GABPA: variants seen among roughly 807,000 people sequenced by gnomAD.
GABPA encodes the protein GA binding protein transcription factor subunit alpha.
Under a neutral mutation model 59.4 loss-of-function variants are expected in GABPA, and 4 were observed. The ratio of observed to expected loss-of-function variants is 0.07; its 90% CI spans 0.03 to 0.15. The LOEUF is 0.15. Among genes scored for constraint, GABPA ranks in the 10% least tolerant of loss-of-function variants. The probability of loss-of-function intolerance (pLI) is 1.00; values close to 1 mark genes in which losing one functional copy is unlikely to be tolerated. For missense variants in GABPA, 251 were observed against 543.8 expected (o/e 0.46, Z 5.36); for synonymous variants, 164 against 183.1 (o/e 0.90, Z 0.84).
At chr21:25,744,375 C>T (rs1407604465) in intron 2 of GABPA, among the ~76,000 whole-genome samples, 2 of 152,070 alleles carry the variant, frequency 1.3e-5, no homozygotes, top group Admixed American at 1.3e-4. Context: ...AAGCTATATA[C>T]ATTCATTGAA....
intron 9 of GABPA, among the ~76,000 whole-genome samples, chr21:25,766,260 G>A (rs946718946): frequency 2.0e-5 from 3 of 151,990 alleles, no homozygotes; most frequent in East Asian, 1.9e-4. Context: ...TGCTTATGCC[G>A]TACCAAAAAT....
At chr21:25,743,917 G>A (rs1319439786) in intron 2 of GABPA, among the ~76,000 whole-genome samples, 2 of 151,882 alleles carry the variant, frequency 1.3e-5, no homozygotes, top group East Asian at 1.9e-4. Context: ...GGTGGCGCAT[G>A]CCTGTAGTCC....
chr21:25,767,369 A>T lies in GABPA; in HGVS notation c.1137-1635A>T, dbSNP rs71651649. On this transcript the variant is annotated intron_variant, in intron 9 of 9. Transcript: ENST00000400075. Reference sequence around the variant, plus strand: ...AAAAAGTTTAAAAAAATACAAGTTTAAAAAAAAAGAGGGAAGAAAAGAAAT... The same window carrying T: ...AAAAAGTTTAAAAAAATACAAGTTTTAAAAAAAAGAGGGAAGAAAAGAAAT... Among the ~76,000 whole-genome samples the T allele has an allele frequency of 3.5e-3, 529 of 151,132 alleles. 3 individuals are homozygous for T. Among genetic ancestry groups the T allele is most frequent in the African/African-American group, 0.012 (515 of 41,238 alleles).
intron 5 of GABPA, among the ~76,000 whole-genome samples, chr21:25,756,271 A>G (rs2035634439): frequency 6.6e-6 from 1 of 152,032 alleles, no homozygotes; most frequent in Non-Finnish European, 1.5e-5. Context: ...TAGCTTTTCT[A>G]TTTAACTCTG....
chr21:25,752,447 T>A, intron 5 of GABPA: 1 of 550,802 alleles, frequency 1.8e-6, no homozygotes, highest in Middle Eastern at 4.9e-4. Flanking sequence ...GTCTAAAAAA[T>A]TTCTGCTCTT....
Position 25,771,104 on chromosome 21 carries a change from G to C in GABPA, c.*1872G>C, listed in dbSNP as rs572853143. ...CCATCCTCTTACGGCCTAGAGAGTTGACAAGTTGCTTGTAGTTTTAAAAAA... is the reference window on the plus strand; with the variant it reads ...CCATCCTCTTACGGCCTAGAGAGTTCACAAGTTGCTTGTAGTTTTAAAAAA... On this transcript the variant is annotated 3_prime_UTR_variant, in exon 10 of 10. Transcript: ENST00000400075. The C allele has an allele frequency of 6.6e-6, 1 of 152,044 alleles. No homozygotes were observed. The highest frequency in any genetic ancestry group is 1.9e-4 in the East Asian group (1 of 5,178). The allele number at this position is 152,044 out of a possible 1,614,324, so 9.4% of individuals were successfully genotyped here. A position where few individuals can be genotyped will look rare whatever the true frequency, so the allele number is the denominator to read the frequency against.
rs1255866721 is a variant in GABPA, at chr21:25,771,837, A to G, written c.*2605A>G. ...ACTTTCATACATATCTTGCTAGCCT[A>G]AAGTCTAAATATTTGTGTTGGCATC... is the stretch of plus-strand genomic sequence containing the variant. On this transcript the variant is annotated 3_prime_UTR_variant, in exon 10 of 10. Transcript: ENST00000400075. 1 of 152,092 alleles carries G rather than the reference A, an allele frequency of 6.6e-6. No homozygotes were observed. The highest frequency in any genetic ancestry group is 6.5e-5 in the Admixed American group (1 of 15,288). 9.4% of individuals were successfully genotyped at this position (152,092 alleles called of 1,614,324 possible).
rs1012464471 is a variant in GABPA, at chr21:25,753,494, A to G, written c.553+1260A>G. Among the ~76,000 whole-genome samples the G allele has an allele frequency of 4.5e-4, 68 of 152,220 alleles. 1 individual carries two copies. Among genetic ancestry groups the G allele is most frequent in the Admixed American group, 2.6e-4 (4 of 15,280 alleles). On this transcript the variant is annotated intron_variant, in intron 5 of 9. Coordinates refer to ENST00000400075, the MANE Select transcript of GABPA (RefSeq NM_002040.4). Reference sequence around the variant, plus strand: ...AGGGAGACAAGAAATAACTGAAGAGACAGAAAGAAAGTAATAACTTATATG... The same window carrying G: ...AGGGAGACAAGAAATAACTGAAGAGGCAGAAAGAAAGTAATAACTTATATG...
chr21:25,765,213 G>A (rs192674662), intron 9 of GABPA, among the ~76,000 whole-genome samples: 7 of 152,020 alleles, frequency 4.6e-5, no homozygotes, highest in African/African-American at 1.4e-4. Context: ...CAAACTCTCC[G>A]TAAGTAGTAT....
chr21:25,758,109 C>T lies in GABPA; in HGVS notation c.653C>T (p.Ser218Leu), dbSNP rs550595053. 30 of 1,611,070 alleles carry T rather than the reference C, an allele frequency of 1.9e-5. No homozygotes were observed. The highest frequency in any genetic ancestry group is 5.3e-5 in the African/African-American group (4 of 74,818). Residue 218 changes from serine (S) to leucine (L), a missense_variant, in exon 6 of 10, where the codon TCG (serine) becomes TTG (leucine). This residue lies in a region of GABPA where 207 missense variants were observed against 366.7 expected (regional missense o/e 0.56). Coordinates refer to ENST00000400075, the MANE Select transcript of GABPA (RefSeq NM_002040.4). ...TDIDLTTLNISGRELCSLNQE... is the reference protein window; with the variant it reads ...TDIDLTTLNILGRELCSLNQE... ...ATAGACCTCACCACACTCAACATTT[C>T]GGGGAGAGAATTATGTAGTCTCAAC...
At chr21:25,751,805 T>G (rs2123527659) in intron 4 of GABPA, among the ~76,000 whole-genome samples, 184 bp from the exon 5 acceptor site, 1 of 152,282 alleles carries the variant, frequency 6.6e-6, no homozygotes, top group East Asian at 1.9e-4. Flanking sequence ...GTAGAAAAGT[T>G]GCAAGACTAG....
At chr21:25,746,317 GTT>G (rs1402267366) in intron 3 of GABPA, among the ~76,000 whole-genome samples, 3 of 152,078 alleles carry the variant, frequency 2.0e-5, no homozygotes, top group African/African-American at 7.2e-5. Flanking sequence ...GCCTGGCTGA[GTT>G]TTATACTATT....
At position 25,735,209 on chromosome 21, in the gene GABPA, C is replaced by A. The variant is rs1007924607; in HGVS notation, c.-396C>A. ...GGCCTTTCCCCTAGTTCAAGCTCCC[C>A]TCCGAGTCAGCGTCCTGTTCGTTAG... is the stretch of plus-strand genomic sequence containing the variant. On this transcript the variant is annotated 5_prime_UTR_variant, in exon 1 of 10. Coordinates refer to ENST00000400075, the MANE Select transcript of GABPA (RefSeq NM_002040.4). The A allele has an allele frequency of 3.4e-5, 20 of 592,786 alleles. No individual in the cohort carries two copies. The highest frequency in any genetic ancestry group is 3.0e-5 in the Non-Finnish European group (10 of 330,178). 36.7% of individuals were successfully genotyped at this position (592,786 alleles called of 1,614,324 possible).
chr21:25,760,184 TG>T (rs1315212330), intron 6 of GABPA, among the ~76,000 whole-genome samples: 1 of 152,214 alleles, frequency 6.6e-6, no homozygotes, highest in Non-Finnish European at 1.5e-5. Flanking sequence ...AAATCCCATC[TG>T]CTTTGGAAAT....
chr21:25,736,437 T>C (rs71649651), intron 1 of GABPA, among the ~76,000 whole-genome samples: 2 of 152,288 alleles, frequency 1.3e-5, no homozygotes, highest in East Asian at 3.9e-4. Context: ...CTCAACTCTT[T>C]AGCAACTGCT....
intron 5 of GABPA, among the ~76,000 whole-genome samples, chr21:25,757,713 TTTCA>T (rs2035668807): frequency 6.6e-6 from 1 of 152,146 alleles, no homozygotes; most frequent in African/African-American, 2.4e-5. Context: ...TATTTTATTC[TTTCA>T]TTTGGCCCAC....
rs2036023711 is a variant in GABPA, at chr21:25,772,297, C to G, written c.*3065C>G. 6.6e-6 allele frequency: 1 copy of G among 152,028 alleles called. No individual in the cohort carries two copies. The highest frequency in any genetic ancestry group is 2.4e-5 in the African/African-American group (1 of 41,418). 9.4% of individuals were successfully genotyped at this position (152,028 alleles called of 1,614,324 possible). A position where few individuals can be genotyped will look rare whatever the true frequency, so the allele number is the denominator to read the frequency against. ...TACATTTTTACTCTTTAAATAACGA[C>G]AACGACACTTATACTGTCATAATAA... is the stretch of plus-strand genomic sequence containing the variant. On this transcript the variant is annotated 3_prime_UTR_variant, in exon 10 of 10. Coordinates refer to ENST00000400075, the MANE Select transcript of GABPA (RefSeq NM_002040.4).
chr21:25,748,000 G>A (rs948644243), intron 3 of GABPA, among the ~76,000 whole-genome samples: 5 of 152,008 alleles, frequency 3.3e-5, no homozygotes, highest in Admixed American at 6.6e-5. Context: ...TCCGCCTACC[G>A]GGTCTAAGCA....
chr21:25,764,794 C>G lies in GABPA; in HGVS notation c.1136+7C>G, dbSNP rs1555879610. ...AACTCAGTCGTGCATTAAGGTAAGCCTTTATTACTTTTTTTTCTGTTATCA... is the reference window on the plus strand; with the variant it reads ...AACTCAGTCGTGCATTAAGGTAAGCGTTTATTACTTTTTTTTCTGTTATCA... On this transcript the variant is annotated splice_region_variant and intron_variant, in intron 9 of 9. Coordinates refer to ENST00000400075, the MANE Select transcript of GABPA (RefSeq NM_002040.4). The G allele has an allele frequency of 6.6e-7, 1 of 1,520,942 alleles. No homozygotes were observed. The highest frequency in any genetic ancestry group is 8.8e-7 in the Non-Finnish European group (1 of 1,141,030). The allele number at this position is 1,520,942 out of a possible 1,614,324, so 94.2% of individuals were successfully genotyped here.
Sources: allele counts gnomAD v4.1 joint callset (sites outside exome capture counted in the v4.1 genomes callset), GRCh38; gene constraint gnomAD v4.1.1; regional missense constraint gnomAD v4.1.1; transcripts MANE v1.5; gene names NCBI Gene and HGNC (gene_info 2026-07-23, HGNC 2026-07-21).